Variants in PCDHGB5 observed in about 807,000 individuals in gnomAD.
PCDHGB5 encodes protocadherin gamma-B5.
In PCDHGB5, 48 loss-of-function variants were observed where a neutral mutation model predicts 62.9. The observed-to-expected ratio is 0.76, with a 90% CI of 0.61 to 0.97. PCDHGB5 has a LOEUF of 0.97. PCDHGB5 is among the 50% of genes least tolerant of loss of function. The probability of loss-of-function intolerance (pLI) is 0.00; values close to 1 mark genes in which losing one functional copy is unlikely to be tolerated. For missense variants in PCDHGB5, 1,118 were observed against 1,198.6 expected, an observed-to-expected ratio of 0.93 and a Z score of 0.99; for synonymous variants, 474 against 511.2, an observed-to-expected ratio of 0.93 and a Z score of 0.98.
At position 141,399,859 on chromosome 5, in the gene PCDHGB5, G is replaced by T; in HGVS notation, c.1732G>T (p.Ala578Ser). The change falls in exon 1 of 4, where the codon GCA (alanine) becomes TCA (serine). Residue 578 changes from alanine to serine, a missense_variant. Around this residue, in one of 2 missense-constraint regions of PCDHGB5, gnomAD observed 1,034 missense variants for 1,029.1 expected, o/e 1.00. Transcript: ENST00000617380. Reference protein sequence around the residue: ...SALFDMVPRAAEPGYLVTKVV... With the variant: ...SALFDMVPRASEPGYLVTKVV... ...GCTCTTCGATATGGTGCCGCGCGCTGCAGAGCCCGGCTACCTGGTGACCAA... is the reference window on the plus strand; with the variant it reads ...GCTCTTCGATATGGTGCCGCGCGCTTCAGAGCCCGGCTACCTGGTGACCAA... 1.2e-6 allele frequency: 2 copies of T among 1,612,844 alleles called. No homozygotes were observed. Among genetic ancestry groups the T allele is most frequent in the Non-Finnish European group, 1.7e-6 (2 of 1,179,800 alleles).
Position 141,491,507 on chromosome 5 carries a change from C to G in PCDHGB5, c.2398-3300C>G, listed in dbSNP as rs755899622. The stretch of plus-strand genomic sequence containing the variant: ...AACCTGCAGGTGAGCTCGGACGGCA[C>G]GCTCAAGTACATGGAGGTGACGCTG... On this transcript the variant is annotated intron_variant, in intron 1 of 3. Coordinates refer to ENST00000617380, the MANE Select transcript of PCDHGB5 (RefSeq NM_018925.3). This position sits in a 1 kb window ranked among gnomAD's most constrained non-coding sequence, Gnocchi z 6.9. 1.5e-5 allele frequency: 24 copies of G among 1,614,038 alleles called. No individual in the cohort carries two copies. The highest frequency in any genetic ancestry group is 2.0e-5 in the Non-Finnish European group (24 of 1,180,016).
intron 1 of PCDHGB5, chr5:141,410,847 G>GTTTTTT (rs773839667): frequency 6.3e-5 from 10 of 158,328 alleles, no homozygotes; most frequent in Admixed American, 1.8e-4. Flanking sequence ...TTTTGTCTTT[G>GTTTTTT]TCTTTTTTTT....
intron 1 of PCDHGB5, among the ~76,000 whole-genome samples, chr5:141,466,570 T>C (rs967163331): frequency 6.6e-6 from 1 of 152,202 alleles, no homozygotes; most frequent in East Asian, 1.9e-4. Flanking sequence ...TCTTCAACAT[T>C]GTCTCATCCC....
chr5:141,487,429 C>A lies in PCDHGB5; in HGVS notation c.2398-7378C>A. 1 of 1,614,162 alleles carries A rather than the reference C, an allele frequency of 6.2e-7. No individual in the cohort carries two copies. Among genetic ancestry groups the A allele is most frequent in the Non-Finnish European group, 8.5e-7 (1 of 1,180,018 alleles). On this transcript the variant is annotated intron_variant, in intron 1 of 3. Transcript: ENST00000617380. The surrounding 1 kb of genome is among the most constrained non-coding windows in gnomAD (Gnocchi z 5.0). ...CCCCTTCCAATGGGATCCTCCGAAT[C>A]CAGCTAGGGTCAGATGACCCTATCA...
intron 1 of PCDHGB5, chr5:141,423,302 T>G (rs1221185261): frequency 6.2e-7 from 1 of 1,614,144 alleles, no homozygotes. Context: ...GACCTCTCGC[T>G]GTACTTGGTG....
intron 1 of PCDHGB5, chr5:141,409,411 AC>A (rs1172458730): frequency 6.2e-7 from 1 of 1,614,004 alleles, no homozygotes; most frequent in African/African-American, 1.3e-5. Flanking sequence ...ACTACTACAA[AC>A]TGGTGACAGA....
chr5:141,431,438 C>A lies in PCDHGB5; in HGVS notation c.2397+30914C>A, dbSNP rs773812765. 6.2e-7 allele frequency: 1 copy of A among 1,613,612 alleles called. No homozygotes were observed. The highest frequency in any genetic ancestry group is 1.7e-5 in the Admixed American group (1 of 60,004). ...CGACCCGGTGCGCACAGGCACCGCG[C>A]GCATCCGCGTGATGGTTCTGGATGC... On this transcript the variant is annotated intron_variant, in intron 1 of 3. Coordinates refer to ENST00000617380, the MANE Select transcript of PCDHGB5 (RefSeq NM_018925.3). This position sits in a 1 kb window ranked among gnomAD's most constrained non-coding sequence, Gnocchi z 4.8.
At chr5:141,434,240 T>A (rs979144259) in intron 1 of PCDHGB5, among the ~76,000 whole-genome samples, 1 of 152,336 alleles carries the variant, frequency 6.6e-6, no homozygotes, top group East Asian at 1.9e-4. Flanking sequence ...CTGGACTAGA[T>A]GACTTGGGCA....
At chr5:141,496,588 C>T (rs775641672) in intron 2 of PCDHGB5, among the ~76,000 whole-genome samples, 9 of 152,280 alleles carry the variant, frequency 5.9e-5, no homozygotes, top group Non-Finnish European at 1.0e-4. Context: ...GAACGCAAAG[C>T]GCTTCTTAGA....
intron 1 of PCDHGB5, among the ~76,000 whole-genome samples, chr5:141,480,720 G>C (rs2099524423): frequency 6.6e-6 from 1 of 152,146 alleles, no homozygotes; most frequent in Non-Finnish European, 1.5e-5. Context: ...TGAAAGCACA[G>C]TCTCTGGGGG....
Position 141,432,201 on chromosome 5 carries a change from G to T in PCDHGB5, c.2397+31677G>T, listed in dbSNP as rs761075658. On this transcript the variant is annotated intron_variant, in intron 1 of 3. Transcript: ENST00000617380. This position sits in a 1 kb window ranked among gnomAD's most constrained non-coding sequence, Gnocchi z 6.0. ...TCTGTGACCGCCCACGACCCCGACT[G>T]TGAAGAGAACGCCCAGATCACTTAT... 1.8e-5 allele frequency: 29 copies of T among 1,614,092 alleles called. No homozygotes were observed. The South Asian group carries it at 2.9e-4, about 16-fold the overall frequency.
intron 1 of PCDHGB5, among the ~76,000 whole-genome samples, chr5:141,460,124 A>AAT (rs2098982741): frequency 6.6e-6 from 1 of 152,052 alleles, no homozygotes; most frequent in African/African-American, 2.4e-5. Context: ...TTATATATGT[A>AAT]ATATATATAT....
chr5:141,438,054 T>C (rs1451843979), intron 1 of PCDHGB5, among the ~76,000 whole-genome samples: 2 of 152,182 alleles, frequency 1.3e-5, no homozygotes, highest in African/African-American at 4.8e-5. Flanking sequence ...TTGAGTTCAC[T>C]TTTAAGAAAC....
intron 1 of PCDHGB5, among the ~76,000 whole-genome samples, chr5:141,494,568 C>T (rs2099755322): frequency 6.6e-6 from 1 of 152,138 alleles, no homozygotes; most frequent in African/African-American, 2.4e-5. Context: ...GGAAAGGAGT[C>T]TCAGCTTGCT....
Position 141,432,923 on chromosome 5 carries a change from T to C in PCDHGB5, c.2397+32399T>C. ...GCTCAGGCTGCGGCGCTGGCACAAG[T>C]CACGCCTGCTGCAGGCTTCAGGAGG... On this transcript the variant is annotated intron_variant, in intron 1 of 3. Coordinates refer to ENST00000617380, the MANE Select transcript of PCDHGB5 (RefSeq NM_018925.3). This position sits in a 1 kb window ranked among gnomAD's most constrained non-coding sequence, Gnocchi z 6.0. The C allele has an allele frequency of 6.2e-7, 1 of 1,614,186 alleles. No homozygotes were observed. Among genetic ancestry groups the C allele is most frequent in the Non-Finnish European group, 8.5e-7 (1 of 1,180,034 alleles).
chr5:141,458,701 C>A (rs1057501287), intron 1 of PCDHGB5, among the ~76,000 whole-genome samples: 3 of 152,088 alleles, frequency 2.0e-5, no homozygotes, highest in Non-Finnish European at 2.9e-5. Context: ...TCCCGAGTAG[C>A]TGGGATTACA....
Position 141,491,013 on chromosome 5 carries a change from G to C in PCDHGB5, c.2398-3794G>C. ...CTCCTCCTGGCTCCTTGGTCACCAA[G>C]GTGACAGCCGTGGATGCTGATGCAG... On this transcript the variant is annotated intron_variant, in intron 1 of 3. Transcript: ENST00000617380. The surrounding 1 kb of genome is among the most constrained non-coding windows in gnomAD (Gnocchi z 6.9). 6.2e-7 allele frequency: 1 copy of C among 1,614,144 alleles called. No homozygotes were observed. Among genetic ancestry groups the C allele is most frequent in the Non-Finnish European group, 8.5e-7 (1 of 1,180,040 alleles).
rs771647688 is a variant in PCDHGB5 at position 141,399,795 on chromosome 5, G to A, written c.1668G>A (p.Pro556=). 10 of 1,613,202 alleles carry A rather than the reference G, an allele frequency of 6.2e-6. No individual in the cohort carries two copies. In the South Asian group the frequency reaches 8.8e-5, roughly 14 times the overall value. The change falls in exon 1 of 4, where the codon CCG becomes CCA. Residue 556 remains proline, a synonymous_variant. Transcript: ENST00000617380. ...TGGGCGACCGAAACGACAACGCACC[G>A]CGGGTGCTGTACCCCGCGCTGGGTC... ...VLVGDRNDNA[P]RVLYPALGPD...
At chr5:141,417,656 G>A (rs1561768422) in intron 1 of PCDHGB5, 1 of 854,026 alleles carries the variant, frequency 1.2e-6, no homozygotes, top group Non-Finnish European at 1.7e-6. Context: ...CCTCTAGCCT[G>A]GGATTCCCTG....
Sources: allele counts gnomAD v4.1 joint callset (sites outside exome capture counted in the v4.1 genomes callset), GRCh38; gene constraint gnomAD v4.1.1; regional missense constraint gnomAD v4.1.1; non-coding constraint Gnocchi (gnomAD v3.1); transcripts MANE v1.5; gene names NCBI Gene and HGNC (gene_info 2026-07-23, HGNC 2026-07-21).